CSNK1G3: variants seen among roughly 807,000 people sequenced by gnomAD.
The protein encoded by CSNK1G3 is casein kinase I isoform gamma-3.
CSNK1G3 carries 23 observed loss-of-function variants against 64.3 expected under a neutral mutation model. The observed-to-expected ratio is 0.36, with a 90% confidence interval of 0.26 to 0.51. CSNK1G3 has a LOEUF of 0.51. CSNK1G3 is among the 20% of genes least tolerant of loss of function. CSNK1G3 has a pLI of 0.96. For synonymous variants in CSNK1G3, 158 were observed against 162.2 expected, an observed-to-expected ratio of 0.97 and a Z score of 0.20; for missense variants, 357 against 510.5, an observed-to-expected ratio of 0.70 and a Z score of 2.90.
At chr5:123,544,347 C>T (rs1430961929) in intron 1 of CSNK1G3, among the ~76,000 whole-genome samples, 1 of 152,120 alleles carries the variant, frequency 6.6e-6, no homozygotes, top group African/African-American at 2.4e-5. Context: ...TTGCCTACAC[C>T]ACCGGCCCCA....
intron 10 of CSNK1G3, 53 bp downstream of exon 10, chr5:123,591,467 C>CT (rs1561590560): frequency 2.6e-6 from 3 of 1,146,860 alleles, no homozygotes; most frequent in African/African-American, 1.6e-5. Flanking sequence ...GAAACATACA[C>CT]TTTTTTCTTC....
chr5:123,569,484 T>C (rs1017569057), intron 4 of CSNK1G3, among the ~76,000 whole-genome samples: 1 of 152,232 alleles, frequency 6.6e-6, no homozygotes, highest in Admixed American at 6.5e-5. Flanking sequence ...ACATGCATTG[T>C]CTTTTGGAGG....
Position 123,540,412 on chromosome 5 carries a change from T to C in CSNK1G3, c.-247-5005T>C, listed in dbSNP as rs539807575. The stretch of plus-strand genomic sequence containing the variant: ...CTCTTGTCTGATTTGCTCTTTTCTC[T>C]AGCTATTTTAAGAAGAAGGTCCAGA... On this transcript the variant is annotated intron_variant, in intron 1 of 12. Coordinates refer to ENST00000345990, the Ensembl canonical transcript of CSNK1G3. Among the ~76,000 whole-genome samples, 197 of 152,252 alleles carry C rather than the reference T, an allele frequency of 1.3e-3. 1 individual carries two copies. Among genetic ancestry groups the C allele is most frequent in the African/African-American group, 4.4e-3 (182 of 41,570 alleles).
intron 6 of CSNK1G3, among the ~76,000 whole-genome samples, chr5:123,580,363 A>G (rs982680074): frequency 2.6e-5 from 4 of 152,006 alleles, no homozygotes; most frequent in African/African-American, 9.6e-5. Context: ...AAGGAAAAAG[A>G]TGTTCCTAAT....
At chr5:123,600,847 G>T (rs1329519217) in intron 10 of CSNK1G3, among the ~76,000 whole-genome samples, 1 of 151,038 alleles carries the variant, frequency 6.6e-6, no homozygotes, top group African/African-American at 2.4e-5. Flanking sequence ...CTTGCTTGTG[G>T]GCTGTTTTTC....
exon 2 of CSNK1G3, chr5:123,545,416 GCTCT>G (rs1305763385): frequency 9.1e-6 from 3 of 330,008 alleles, no homozygotes; most frequent in Admixed American, 4.4e-5. Flanking sequence ...TAATATTCTA[GCTCT>G]CTATCAATAT....
At chr5:123,591,483 A>AT (rs1400067770) in intron 10 of CSNK1G3, 69 bp downstream of exon 10, 6 of 909,470 alleles carry the variant, frequency 6.6e-6, no homozygotes, top group Admixed American at 5.0e-5. Context: ...TCTTCAATAG[A>AT]TAAAACAGAC....
chr5:123,576,002 G>A, intron 6 of CSNK1G3, 39 bp downstream of exon 6: 1 of 1,359,912 alleles, frequency 7.4e-7, no homozygotes, highest in South Asian at 1.2e-5. Flanking sequence ...TTTGAACTTA[G>A]CAGCTGTGCT....
At chr5:123,536,215 CTG>C (rs1219333426) in intron 1 of CSNK1G3, among the ~76,000 whole-genome samples, 1 of 152,046 alleles carries the variant, frequency 6.6e-6, no homozygotes, top group Admixed American at 6.6e-5. Context: ...ATGATTCTCT[CTG>C]ACAAGGGCAG....
At chr5:123,590,104 C>T (rs1792071370) in intron 8 of CSNK1G3, among the ~76,000 whole-genome samples, 1 of 151,974 alleles carries the variant, frequency 6.6e-6, no homozygotes, top group Non-Finnish European at 1.5e-5. Flanking sequence ...ACTGCTTATT[C>T]AACTTCTCAT....
chr5:123,601,202 G>A (rs1794436244), intron 10 of CSNK1G3, among the ~76,000 whole-genome samples: 1 of 152,030 alleles, frequency 6.6e-6, no homozygotes, highest in Non-Finnish European at 1.5e-5. Context: ...ATATTTGATT[G>A]TTTTAGCCTT....
intron 2 of CSNK1G3, 73 bp downstream of exon 2, chr5:123,545,914 AT>A: frequency 1.7e-6 from 2 of 1,198,110 alleles, no homozygotes; most frequent in Non-Finnish European, 1.2e-6. Context: ...AATGAAAATG[AT>A]TTAGTTATTT....
At chr5:123,578,748 T>C (rs1447775950) in intron 6 of CSNK1G3, among the ~76,000 whole-genome samples, 1 of 151,962 alleles carries the variant, frequency 6.6e-6, no homozygotes. Context: ...TTTATAGTTT[T>C]AGCCTTTTAT....
At chr5:123,605,278 G>C in intron 11 of CSNK1G3, 61 bp from the exon 13 acceptor site, 4 of 1,445,920 alleles carry the variant, frequency 2.8e-6, no homozygotes, top group Non-Finnish European at 3.8e-6. Context: ...AATGTGAGCT[G>C]TTTCTGATTC....
intron 1 of CSNK1G3, among the ~76,000 whole-genome samples, chr5:123,530,613 C>T (rs1031744003): frequency 2.6e-5 from 4 of 152,204 alleles, no homozygotes; most frequent in Admixed American, 2.6e-4. Context: ...GATTAAGTGG[C>T]CCATTAATGG....
At chr5:123,557,518 A>G in exon 4 of CSNK1G3, 1 of 1,608,596 alleles carries the variant, frequency 6.2e-7, no homozygotes, top group Non-Finnish European at 8.5e-7. Context: ...CAAGAGCACC[A>G]CAGCTACATT....
rs535795592 is a variant in CSNK1G3 at position 123,575,710 on chromosome 5, C to G, written c.439-19C>G. 7.1e-6 allele frequency: 11 copies of G among 1,550,184 alleles called. No homozygotes were observed. The highest frequency in any genetic ancestry group is 8.9e-6 in the Non-Finnish European group (10 of 1,125,100). ...CAAAGCCCAAAATAAAACTTCTCTTCTTTTTTTCTTAAACCAAGATTTCTC... is the reference window on the plus strand; with the variant it reads ...CAAAGCCCAAAATAAAACTTCTCTTGTTTTTTTCTTAAACCAAGATTTCTC... On this transcript the variant is annotated intron_variant, in intron 5 of 12. Coordinates refer to ENST00000345990, the Ensembl canonical transcript of CSNK1G3.
intron 2 of CSNK1G3, among the ~76,000 whole-genome samples, chr5:123,549,463 G>T (rs1783224341): frequency 6.6e-6 from 1 of 152,010 alleles, no homozygotes; most frequent in African/African-American, 2.4e-5. Flanking sequence ...TTTCTATCTG[G>T]CCCATACACC....
At chr5:123,514,961 A>G (rs971801582) in intron 1 of CSNK1G3, among the ~76,000 whole-genome samples, 31 of 152,232 alleles carry the variant, frequency 2.0e-4, no homozygotes, top group African/African-American at 7.5e-4. Flanking sequence ...AACGATAGTA[A>G]GTTTAAGGAA....
Sources: allele counts gnomAD v4.1 joint callset (sites outside exome capture counted in the v4.1 genomes callset), GRCh38; gene constraint gnomAD v4.1.1; transcripts MANE v1.5; gene names NCBI Gene and HGNC (gene_info 2026-07-23, HGNC 2026-07-21).